The following TMPRSS9 variants were observed in gnomAD, a reference collection of about 807,000 sequenced individuals.
TMPRSS9 encodes transmembrane protease serine 9.
In TMPRSS9, 113 loss-of-function variants were observed where a neutral mutation model predicts 111.4. The observed-to-expected ratio is 1.01, with a 90% confidence interval of 0.87 to 1.19. The LOEUF (loss-of-function observed/expected upper bound fraction) is 1.19. Among genes scored for constraint, TMPRSS9 ranks in the 50% most tolerant of loss-of-function variants. The pLI, the probability that TMPRSS9 is intolerant of heterozygous loss-of-function variation, is 0.00. For missense variants in TMPRSS9, 1,803 were observed against 1,513.1 expected, an observed-to-expected ratio of 1.19 and a Z score of -3.18; for synonymous variants, 805 against 659.1, an observed-to-expected ratio of 1.22 and a Z score of -3.39.
Position 2,370,745 on chromosome 19 carries a change from T to TTA in TMPRSS9, c.-26+10395_-26+10396dup, listed in dbSNP as rs765266834. ...TTTTGCTTTCTCTCTCTGTCTCTCT[T>TTA]TATATATATATTGCCCAGACTGGAC... On this transcript the variant is annotated intron_variant, in intron 1 of 17. Coordinates refer to the TMPRSS9 transcript ENST00000649857. Among the ~76,000 whole-genome samples, 28 of 151,978 alleles carry TTA rather than the reference T, an allele frequency of 1.8e-4. No homozygotes were observed. The East Asian group carries it at 3.7e-3, about 20-fold the overall frequency.
At chr19:2,388,778 A>G (rs190525868), upstream of TMPRSS9, among the ~76,000 whole-genome samples, 412 of 151,416 alleles carry the variant, frequency 2.7e-3, 11 homozygotes, top group South Asian at 0.047. Context: ...GAGCCACCAC[A>G]TCTGGCTAAT....
intron 1 of TMPRSS9, among the ~76,000 whole-genome samples, chr19:2,373,860 C>T (rs551026845): frequency 2.0e-5 from 3 of 152,296 alleles, no homozygotes; most frequent in African/African-American, 7.2e-5. Flanking sequence ...AGGTTTTCAG[C>T]CAACTTTTTG....
At chr19:2,373,975 A>G (rs1369767998) in intron 1 of TMPRSS9, among the ~76,000 whole-genome samples, 1 of 152,186 alleles carries the variant, frequency 6.6e-6, no homozygotes, top group Non-Finnish European at 1.5e-5. Flanking sequence ...AAAGTGCTTT[A>G]CAGGGAGATC....
At chr19:2,425,175 T>C in exon 16 of TMPRSS9, 1 of 1,555,290 alleles carries the variant, frequency 6.4e-7, no homozygotes, top group Non-Finnish European at 8.6e-7. Context: ...CGCAGCCGCC[T>C]GGTGCGTCCC....
chr19:2,385,440 G>A (rs1404024106), upstream of TMPRSS9, among the ~76,000 whole-genome samples: 2 of 152,192 alleles, frequency 1.3e-5, no homozygotes, highest in African/African-American at 2.4e-5. Context: ...ACGTTGCGGT[G>A]TTGCCGTTGC....
At chr19:2,418,396 TGGCCTTTCCTTCCA>T (rs1472982195) in intron 13 of TMPRSS9, among the ~76,000 whole-genome samples, 4 of 14,296 alleles carry the variant, frequency 2.8e-4, no homozygotes, top group Non-Finnish European at 3.8e-4. Context: ...CTTCCCTCCC[TGGCCTTTCCTTCCA>T]TTCCTTCCCT....
exon 9 of TMPRSS9, chr19:2,410,347 A>C: frequency 6.2e-7 from 1 of 1,614,102 alleles, no homozygotes; most frequent in Non-Finnish European, 8.5e-7. Context: ...ACTCACTGAC[A>C]GGATGGTGTG....
intron 13 of TMPRSS9, 63 bp from the exon 15 acceptor site, chr19:2,421,791 A>C: frequency 6.6e-7 from 1 of 1,509,410 alleles, no homozygotes; most frequent in Non-Finnish European, 8.9e-7. Context: ...GCAGGAGGGT[A>C]TGGCAGTGCT....
intron 1 of TMPRSS9, among the ~76,000 whole-genome samples, chr19:2,368,774 G>GTTGTTTTTTTTTTTT (rs1970265960): frequency 1.4e-5 from 1 of 70,366 alleles, no homozygotes; most frequent in African/African-American, 6.0e-5. Flanking sequence ...GATAAACCCA[G>GTTGTTTTTTTTTTTT]TTTTTTTTTT....
chr19:2,376,836 T>C (rs1001499781), intron 1 of TMPRSS9, among the ~76,000 whole-genome samples: 8 of 152,122 alleles, frequency 5.3e-5, no homozygotes, highest in Admixed American at 4.6e-4. Context: ...TTCTGACCTT[T>C]GCTTGGTTCA....
At chr19:2,423,351 T>G (rs1971509236) in intron 14 of TMPRSS9, among the ~76,000 whole-genome samples, 1 of 151,660 alleles carries the variant, frequency 6.6e-6, no homozygotes, top group African/African-American at 2.4e-5. Context: ...TGTCAGATTA[T>G]CCAAGGCCAC....
At chr19:2,405,966 G>A (rs1474830398) in intron 7 of TMPRSS9, among the ~76,000 whole-genome samples, 3 of 149,908 alleles carry the variant, frequency 2.0e-5, no homozygotes, top group Non-Finnish European at 4.4e-5. Context: ...AAAGTGCTGG[G>A]ATTACAGGTG....
At chr19:2,415,877 T>G in intron 11 of TMPRSS9, 36 bp downstream of exon 12, 1 of 1,538,858 alleles carries the variant, frequency 6.5e-7, no homozygotes, top group East Asian at 2.3e-5. Flanking sequence ...CTGCCCGGCT[T>G]CCCCTCCTCA....
intron 1 of TMPRSS9, among the ~76,000 whole-genome samples, chr19:2,395,055 C>A (rs1970678802): frequency 6.6e-6 from 1 of 151,988 alleles, no homozygotes; most frequent in Admixed American, 6.6e-5. Flanking sequence ...CTGAGGCGGG[C>A]AGATCACCTG....
intron 9 of TMPRSS9, among the ~76,000 whole-genome samples, chr19:2,411,400 CTTTT>C (rs571815184): frequency 9.9e-6 from 1 of 100,676 alleles, no homozygotes; most frequent in Non-Finnish European, 2.0e-5. Flanking sequence ...TCTTCTTCTT[CTTTT>C]TTTTTTTTTT....
intron 1 of TMPRSS9, among the ~76,000 whole-genome samples, chr19:2,374,852 G>A (rs1283958539): frequency 1.3e-5 from 2 of 152,348 alleles, no homozygotes; most frequent in East Asian, 1.9e-4. Context: ...AGCAGCAAAG[G>A]AGGGGAAGAG....
chr19:2,403,314 G>A (rs1970895055), intron 6 of TMPRSS9, 119 bp downstream of exon 7: 1 of 824,140 alleles, frequency 1.2e-6, no homozygotes, highest in Non-Finnish European at 1.9e-6. Context: ...GCATTTATGG[G>A]GGCTGGGCAG....
intron 1 of TMPRSS9, among the ~76,000 whole-genome samples, chr19:2,367,649 T>C (rs1413396366): frequency 6.6e-6 from 1 of 151,710 alleles, no homozygotes; most frequent in African/African-American, 2.4e-5. Flanking sequence ...CTGCAAGTTC[T>C]GCCTCCCGGG....
chr19:2,421,324 C>T (rs140339646), intron 13 of TMPRSS9, among the ~76,000 whole-genome samples: 3,499 of 151,142 alleles, frequency 0.023, 92 homozygotes, highest in East Asian at 0.098. Context: ...AGTCTTGTTC[C>T]GTTGCCCAGG....
Sources: allele counts gnomAD v4.1 joint callset (sites outside exome capture counted in the v4.1 genomes callset), GRCh38; gene constraint gnomAD v4.1.1; transcripts MANE v1.5; gene names NCBI Gene and HGNC (gene_info 2026-07-23, HGNC 2026-07-21).